Variants in FAM81B observed in about 807,000 individuals in gnomAD.
The protein encoded by FAM81B is family with sequence similarity 81 member B, also known as protein FAM81B.
A neutral mutation model predicts 58.7 loss-of-function variants in FAM81B; 60 were observed. The ratio of observed to expected loss-of-function variants is 1.02; its 90% CI spans 0.83 to 1.27. FAM81B has a LOEUF of 1.27. Ranked by LOEUF, FAM81B falls within the 50% of genes most tolerant of loss-of-function variation. FAM81B has a pLI of 0.00. For synonymous variants in FAM81B, 189 were observed against 179.6 expected (o/e 1.05, Z -0.42); for missense variants, 491 against 522.0 (o/e 0.94, Z 0.58).
chr5:95,425,286 T>C (rs1290443362), intron 5 of FAM81B, among the ~76,000 whole-genome samples: 1 of 151,750 alleles, frequency 6.6e-6, no homozygotes, highest in Non-Finnish European at 1.5e-5. Context: ...ATAAGAACAA[T>C]GAAACCAAGA....
At chr5:95,415,729 T>C (rs1762523222) in intron 4 of FAM81B, among the ~76,000 whole-genome samples, 1 of 152,114 alleles carries the variant, frequency 6.6e-6, no homozygotes, top group African/African-American at 2.4e-5. Flanking sequence ...CCAACAACAT[T>C]CTTAGAAACA....
intron 2 of FAM81B, among the ~76,000 whole-genome samples, chr5:95,394,744 C>T (rs893810827): frequency 6.6e-6 from 1 of 152,152 alleles, no homozygotes; most frequent in Admixed American, 6.5e-5. Context: ...TCGTGAGCAG[C>T]CTCGAGCCTT....
intron 8 of FAM81B, 103 bp downstream of exon 8, chr5:95,446,800 C>A: frequency 6.9e-7 from 1 of 1,451,098 alleles, no homozygotes; most frequent in Non-Finnish European, 9.4e-7. Flanking sequence ...GTAATCTTCA[C>A]TGCTTCAGTA....
chr5:95,397,060 G>A (rs183334235), intron 3 of FAM81B: 9 of 152,250 alleles, frequency 5.9e-5, no homozygotes, highest in African/African-American at 1.4e-4. Flanking sequence ...CTTGAACTTC[G>A]ATTTTTTAAA....
At chr5:95,438,351 A>G (rs1745185971) in intron 7 of FAM81B, among the ~76,000 whole-genome samples, 2 of 152,220 alleles carry the variant, frequency 1.3e-5, no homozygotes, top group Non-Finnish European at 2.9e-5. Flanking sequence ...TTCTAGATAT[A>G]CAGATTAAGA....
In FAM81B at chr5:95,441,683, C is replaced by T. The variant is rs763984908; in HGVS notation, c.893+4777C>T. Among the ~76,000 whole-genome samples the T allele has an allele frequency of 3.3e-5, 5 of 152,046 alleles. No individual in the cohort carries two copies. The East Asian group carries it at 9.6e-4, about 29-fold the overall frequency. ...AATTCAAGTTTAATGGTCAACTAAA[C>T]TTATATTGAACTTAAAAGCTACAGT... On this transcript the variant is annotated intron_variant, in intron 7 of 9. Coordinates refer to ENST00000283357, the MANE Select transcript of FAM81B (RefSeq NM_152548.3).
intron 3 of FAM81B, among the ~76,000 whole-genome samples, chr5:95,407,481 A>G (rs1762287249): frequency 6.6e-6 from 1 of 152,026 alleles, no homozygotes; most frequent in African/African-American, 2.4e-5. Context: ...CATTTTCTTC[A>G]CCTAAGTCTT....
chr5:95,428,763 G>A (rs367915908), intron 6 of FAM81B, 31 bp downstream of exon 6: 38 of 1,612,808 alleles, frequency 2.4e-5, no homozygotes, highest in African/African-American at 5.3e-5. Context: ...CTCATATTAC[G>A]TGTTACTGCC....
intron 2 of FAM81B, among the ~76,000 whole-genome samples, chr5:95,394,294 G>A (rs965815070): frequency 4.6e-5 from 7 of 152,156 alleles, no homozygotes; most frequent in African/African-American, 1.7e-4. Context: ...CACTTCAGAA[G>A]GAGAAAGGAG....
chr5:95,392,357 T>C (rs1198394392), intron 1 of FAM81B, among the ~76,000 whole-genome samples: 1 of 151,590 alleles, frequency 6.6e-6, no homozygotes, highest in Non-Finnish European at 1.5e-5. Context: ...CTGTTGGGGG[T>C]TGGGGGCTAG....
chr5:95,409,803 C>G (rs934129801), intron 3 of FAM81B, among the ~76,000 whole-genome samples: 1 of 152,158 alleles, frequency 6.6e-6, no homozygotes, highest in Admixed American at 6.5e-5. Context: ...AAAAACTTAG[C>G]TACAGATTAA....
At position 95,420,267 on chromosome 5, in the gene FAM81B, T is replaced by A. The variant is rs1385729039; in HGVS notation, c.538-17T>A. On this transcript the variant is annotated splice_polypyrimidine_tract_variant and intron_variant, in intron 4 of 9. Coordinates refer to ENST00000283357, the MANE Select transcript of FAM81B (RefSeq NM_152548.3). ...GTGTGATGGGAAATTAATGGGAAAT[T>A]TGACTCAAAATTACAGATTTTAGAA... The A allele has an allele frequency of 6.2e-7, 1 of 1,612,962 alleles. No individual in the cohort carries two copies. The highest frequency in any genetic ancestry group is 1.7e-5 in the Admixed American group (1 of 59,960).
chr5:95,420,953 C>T (rs1762665154), intron 5 of FAM81B, among the ~76,000 whole-genome samples: 1 of 152,128 alleles, frequency 6.6e-6, no homozygotes, highest in Non-Finnish European at 1.5e-5. Context: ...GACACCTTTC[C>T]ATCTCTACAT....
At chr5:95,429,990 T>C (rs1034549731) in intron 6 of FAM81B, among the ~76,000 whole-genome samples, 1 of 152,170 alleles carries the variant, frequency 6.6e-6, no homozygotes, top group Non-Finnish European at 1.5e-5. Context: ...TTGTGTGATG[T>C]TTGTTGACTT....
intron 3 of FAM81B, among the ~76,000 whole-genome samples, chr5:95,407,224 A>C (rs1762271394): frequency 6.6e-6 from 1 of 151,738 alleles, no homozygotes; most frequent in East Asian, 1.9e-4. Flanking sequence ...TCCTTTTGAA[A>C]GCTACCTGAG....
rs772248550 is a variant in FAM81B at position 95,420,344 on chromosome 5, C to A, written c.598C>A (p.His200Asn). ...GGCCACAGGAACTAACTTTGCAGTA[C>A]ACGAGATAAACATCAAACACCTACA... ...QAATGTNFAV[H>N]EINIKHLQGV... Residue 200 changes from histidine to asparagine, a missense_variant, in exon 5 of 10, where the codon CAC (histidine) becomes AAC (asparagine). Coordinates refer to ENST00000283357, the MANE Select transcript of FAM81B (RefSeq NM_152548.3). 13 of 1,613,694 alleles carry A rather than the reference C, an allele frequency of 8.1e-6. No individual in the cohort carries two copies. The highest frequency in any genetic ancestry group is 1.3e-5 in the African/African-American group (1 of 74,902).
At chr5:95,405,746 G>A (rs10045452) in intron 3 of FAM81B, among the ~76,000 whole-genome samples, 6,512 of 152,234 alleles carry the variant, frequency 0.043, 291 homozygotes, top group African/African-American at 0.11. Flanking sequence ...AGTGAGTCCA[G>A]GGGTGGGGTG....
In FAM81B at chr5:95,404,985, GC is replaced by G. The variant is rs563445473; in HGVS notation, c.293+8812del. 8.5e-5 allele frequency among the ~76,000 whole-genome samples: 13 copies of G among 152,290 alleles called. No homozygotes were observed. The East Asian group carries it at 2.3e-3, about 27-fold the overall frequency. On this transcript the variant is annotated intron_variant, in intron 3 of 9. Transcript: ENST00000283357. ...GATTTTATTCTGAGAGAATGGATAA[GC>G]CATAGGAAGGTTTTAAGTAGTCAAG...
intron 3 of FAM81B, among the ~76,000 whole-genome samples, chr5:95,402,050 T>C (rs1331064249): frequency 6.6e-6 from 1 of 152,224 alleles, no homozygotes; most frequent in Non-Finnish European, 1.5e-5. Flanking sequence ...ATTTCTTTCC[T>C]TTCATAGTTA....
Sources: gnomAD v4.1 joint callset for allele counts (sites outside exome capture counted in the v4.1 genomes callset) on GRCh38, gnomAD v4.1.1 for gene constraint, MANE v1.5 for transcripts, NCBI Gene and HGNC (gene_info 2026-07-23, HGNC 2026-07-21) for gene names.